NACC2: variants seen among roughly 807,000 people sequenced by gnomAD.
The protein encoded by NACC2 is nucleus accumbens-associated protein 2.
A neutral mutation model predicts 25.1 loss-of-function variants in NACC2; 8 were observed. The observed-to-expected ratio is 0.32, with a 90% CI of 0.19 to 0.57. NACC2 has a LOEUF of 0.57. NACC2 is among the 20% of genes least tolerant of loss of function. The probability of loss-of-function intolerance (pLI) is 0.89; values close to 1 mark genes in which losing one functional copy is unlikely to be tolerated. For missense variants in NACC2, 644 were observed against 650.2 expected (o/e 0.99, Z 0.10); for synonymous variants, 435 against 294.7 (o/e 1.48, Z -4.88).
At chr9:136,076,541 T>C (rs4842103) in intron 1 of NACC2, among the ~76,000 whole-genome samples, 57,738 of 151,822 alleles carry the variant, frequency 0.38, 11,046 homozygotes, top group Admixed American at 0.46. Flanking sequence ...GCTGGGGGAC[T>C]GCGGAGGGGA....
Position 136,055,340 on chromosome 9 carries a change from G to A in NACC2, c.-59-4760C>T, listed in dbSNP as rs1406631831. Among the ~76,000 whole-genome samples, 1 of 152,122 alleles carries A rather than the reference G, an allele frequency of 6.6e-6. No homozygotes were observed. Among genetic ancestry groups the A allele is most frequent in the African/African-American group, 2.4e-5 (1 of 41,420 alleles). On this transcript the variant is annotated intron_variant, in intron 1 of 5. Transcript: ENST00000277554. This position sits in a 1 kb window ranked among gnomAD's most constrained non-coding sequence, Gnocchi z 4.9. ...GGTTACAAGGTTGGTGCCAGGCCAG[G>A]GCACCTGGGTCCTGGCATCAAGTAC...
chr9:136,065,011 G>A (rs1258649003), intron 1 of NACC2, among the ~76,000 whole-genome samples: 2 of 152,216 alleles, frequency 1.3e-5, no homozygotes, highest in East Asian at 1.9e-4. Context: ...ACATGCAAAA[G>A]AATGAAGCAG....
At chr9:136,091,952 C>A (rs776189272) in intron 1 of NACC2, among the ~76,000 whole-genome samples, 4 of 152,360 alleles carry the variant, frequency 2.6e-5, no homozygotes, top group African/African-American at 7.2e-5. Context: ...CCTCGCTCCC[C>A]GGCCCCCACA....
At chr9:136,093,795 G>A (rs10858222) in intron 1 of NACC2, among the ~76,000 whole-genome samples, 32,316 of 144,824 alleles carry the variant, frequency 0.22, 3,810 homozygotes, top group East Asian at 0.44. Flanking sequence ...GCCGGGAGAA[G>A]AAGGGGTGGG....
At chr9:136,058,987 C>A (rs1564234249) in intron 1 of NACC2, among the ~76,000 whole-genome samples, 1 of 152,228 alleles carries the variant, frequency 6.6e-6, no homozygotes, top group Non-Finnish European at 1.5e-5. Context: ...GGCCCCTGGG[C>A]CCCGCCCTCC....
intron 1 of NACC2, among the ~76,000 whole-genome samples, chr9:136,064,492 A>T (rs1337225599): frequency 1.3e-5 from 2 of 152,244 alleles, no homozygotes; most frequent in African/African-American, 4.8e-5. Context: ...AATACATTTA[A>T]CAAAAGTAGT....
In NACC2 at chr9:136,055,093, T is replaced by C. The variant is rs1453000004; in HGVS notation, c.-59-4513A>G. On this transcript the variant is annotated intron_variant, in intron 1 of 5. Transcript: ENST00000277554. The surrounding 1 kb of genome is among the most constrained non-coding windows in gnomAD (Gnocchi z 4.9). ...GGGTCTCTCCTCTGCAGAGCCTCACTTGAGGAAGGCTGAGATCCAGGCCTG... is the reference window on the plus strand; with the variant it reads ...GGGTCTCTCCTCTGCAGAGCCTCACCTGAGGAAGGCTGAGATCCAGGCCTG... 6.6e-6 allele frequency among the ~76,000 whole-genome samples: 1 copy of C among 152,064 alleles called. No homozygotes were observed. The highest frequency in any genetic ancestry group is 1.9e-4 in the East Asian group (1 of 5,172).
chr9:136,012,707 T>C (rs1300380543), intron 5 of NACC2, among the ~76,000 whole-genome samples: 2 of 151,126 alleles, frequency 1.3e-5, no homozygotes, highest in African/African-American at 4.9e-5. Context: ...ATAGTGCTTC[T>C]TGGGCCGAGG....
chr9:136,014,398 G>A (rs951416913), intron 3 of NACC2, among the ~76,000 whole-genome samples: 5 of 152,016 alleles, frequency 3.3e-5, no homozygotes, highest in Non-Finnish European at 5.9e-5. Context: ...TCGACCTCCC[G>A]GGCTCCAGTG....
chr9:136,049,683 TCCA>T lies in NACC2; in HGVS notation c.836_838del (p.Val279del). The T allele has an allele frequency of 1.3e-6, 1 of 779,172 alleles. No homozygotes were observed. Among genetic ancestry groups the T allele is most frequent in the Non-Finnish European group, 2.4e-6 (1 of 417,418 alleles). 48.3% of individuals were successfully genotyped at this position (779,172 alleles called of 1,614,324 possible). A position where few individuals can be genotyped will look rare whatever the true frequency, so the allele number is the denominator to read the frequency against. On this transcript the variant is annotated inframe_deletion, in exon 2 of 6. Transcript: ENST00000277554. ...GATGTACATCTGGCCGTACTGCTCCTCCACCATGGTGTCGTAGGCCTCGTCGTC... is the reference window on the plus strand; with the variant it reads ...GATGTACATCTGGCCGTACTGCTCCTCCATGGTGTCGTAGGCCTCGTCGTC...
intron 1 of NACC2, among the ~76,000 whole-genome samples, chr9:136,070,382 C>CCTATA (rs762736640): frequency 7.9e-5 from 12 of 151,700 alleles, no homozygotes; most frequent in Non-Finnish European, 1.6e-4. Context: ...GTGGTGGGCG[C>CCTATA]CTATAATCCC....
chr9:136,048,295 G>A (rs952037497), intron 2 of NACC2, among the ~76,000 whole-genome samples: 13 of 152,202 alleles, frequency 8.5e-5, no homozygotes, highest in South Asian at 2.1e-4. Flanking sequence ...CAGGGGCAGA[G>A]GGAAAGCGCA....
chr9:136,092,009 G>A (rs946038563), intron 1 of NACC2, among the ~76,000 whole-genome samples: 3 of 152,186 alleles, frequency 2.0e-5, no homozygotes, highest in Non-Finnish European at 4.4e-5. Flanking sequence ...TGTGACTCTG[G>A]ACAGGCTGAA....
At chr9:136,092,857 A>T (rs1004018277) in intron 1 of NACC2, among the ~76,000 whole-genome samples, 1 of 152,196 alleles carries the variant, frequency 6.6e-6, no homozygotes, top group African/African-American at 2.4e-5. Flanking sequence ...CACCGGCCAC[A>T]GTCCAACTGG....
chr9:136,030,767 T>A (rs1352665149), intron 2 of NACC2, among the ~76,000 whole-genome samples: 1 of 152,042 alleles, frequency 6.6e-6, no homozygotes, highest in Admixed American at 6.6e-5. Flanking sequence ...GTTCAAGCGA[T>A]CCTCCCATCT....
At chr9:136,087,899 G>A (rs1285326651) in intron 1 of NACC2, among the ~76,000 whole-genome samples, 1 of 152,212 alleles carries the variant, frequency 6.6e-6, no homozygotes, top group Admixed American at 6.5e-5. Flanking sequence ...TGCTGCCCAA[G>A]GCCGGCCGTG....
At chr9:136,030,609 C>CA (rs5901094) in intron 2 of NACC2, among the ~76,000 whole-genome samples, 159 of 145,522 alleles carry the variant, frequency 1.1e-3, no homozygotes, top group East Asian at 2.0e-3. Flanking sequence ...GACTCCGTCT[C>CA]AAAAAAAAAA....
intron 2 of NACC2, among the ~76,000 whole-genome samples, chr9:136,049,128 A>C (rs1472144223): frequency 1.3e-5 from 2 of 152,354 alleles, no homozygotes; most frequent in Non-Finnish European, 2.9e-5. Context: ...CTTGAAAGAA[A>C]GGAACGGAGA....
At chr9:136,062,380 G>A (rs1310025627) in intron 1 of NACC2, among the ~76,000 whole-genome samples, 1 of 152,136 alleles carries the variant, frequency 6.6e-6, no homozygotes, top group Non-Finnish European at 1.5e-5. Context: ...CAGGAAACAT[G>A]CAAAGATTTC....
Sources: allele counts gnomAD v4.1 joint callset (sites outside exome capture counted in the v4.1 genomes callset), GRCh38; gene constraint gnomAD v4.1.1; non-coding constraint Gnocchi (gnomAD v3.1); transcripts MANE v1.5; gene names NCBI Gene and HGNC (gene_info 2026-07-23, HGNC 2026-07-21).